Variants in CPNE3 observed in about 807,000 individuals in gnomAD.
CPNE3 encodes the protein copine 3.
A neutral mutation model predicts 63.9 loss-of-function variants in CPNE3; 68 were observed. That is an observed-to-expected ratio of 1.06 (90% CI 0.87 to 1.30). The LOEUF is 1.30. CPNE3 is among the 50% of genes most tolerant of loss of function. CPNE3 has a pLI of 0.00. For synonymous variants in CPNE3, 219 were observed against 197.5 expected, an observed-to-expected ratio of 1.11 and a Z score of -0.91; for missense variants, 665 against 578.1, an observed-to-expected ratio of 1.15 and a Z score of -1.54.
chr8:86,516,145 T>C (rs1049510574), intron 2 of CPNE3, among the ~76,000 whole-genome samples: 7 of 152,184 alleles, frequency 4.6e-5, no homozygotes, highest in African/African-American at 7.2e-5. Flanking sequence ...AGACTCTAGA[T>C]GTGAGGTGGA....
chr8:86,551,884 C>T (rs1821188080), intron 14 of CPNE3, among the ~76,000 whole-genome samples: 2 of 152,228 alleles, frequency 1.3e-5, no homozygotes. Flanking sequence ...GTCTTGAACT[C>T]TTGACCTCAA....
intron 6 of CPNE3, among the ~76,000 whole-genome samples, chr8:86,534,180 C>A (rs1030019719): frequency 2.6e-5 from 4 of 151,850 alleles, no homozygotes; most frequent in Admixed American, 2.0e-4. Flanking sequence ...TCTCTCTCTA[C>A]TTTTATTTTC....
chr8:86,537,919 T>A (rs757065584), intron 7 of CPNE3, among the ~76,000 whole-genome samples: 1 of 151,912 alleles, frequency 6.6e-6, no homozygotes, highest in Non-Finnish European at 1.5e-5. Context: ...GAACACACAC[T>A]CCCACATACT....
intron 10 of CPNE3, 77 bp downstream of exon 10, chr8:86,546,758 C>G: frequency 3.4e-6 from 5 of 1,482,906 alleles, no homozygotes; most frequent in South Asian, 2.6e-5. Flanking sequence ...GTTGCCCAGG[C>G]TGGAGCGCAG....
At chr8:86,537,479 G>A in intron 6 of CPNE3, 84 bp from the exon 7 acceptor site, 1 of 815,828 alleles carries the variant, frequency 1.2e-6, no homozygotes, top group Non-Finnish European at 2.2e-6. Flanking sequence ...TCAGGTGGTT[G>A]CCAACATGTG....
In CPNE3 at chr8:86,559,583, A is replaced by G. The variant is rs1316199953; in HGVS notation, c.*1173A>G. ...ACCTACTGCAACTTAGAAAAAGGAA[A>G]GAAAAAAGAAAACTTTTCCAACTGC... On this transcript the variant is annotated 3_prime_UTR_variant, in exon 17 of 17. Transcript: ENST00000517490. 1 of 152,152 alleles carries G rather than the reference A, an allele frequency of 6.6e-6. No homozygotes were observed. The highest frequency in any genetic ancestry group is 1.5e-5 in the Non-Finnish European group (1 of 68,026). 9.4% of individuals were successfully genotyped at this position (152,152 alleles called of 1,614,324 possible). A position where few individuals can be genotyped will look rare whatever the true frequency, so the allele number is the denominator to read the frequency against.
At chr8:86,538,566 C>T (rs1820858090) in intron 7 of CPNE3, among the ~76,000 whole-genome samples, 1 of 152,128 alleles carries the variant, frequency 6.6e-6, no homozygotes, top group Non-Finnish European at 1.5e-5. Flanking sequence ...TGTTCAGAAT[C>T]CAGTCAAGGC....
chr8:86,514,975 G>T (rs1173796430), intron 1 of CPNE3, among the ~76,000 whole-genome samples: 2 of 152,218 alleles, frequency 1.3e-5, no homozygotes, highest in Non-Finnish European at 2.9e-5. Flanking sequence ...AGAGGGATAG[G>T]GTACCCACAC....
Position 86,548,366 on chromosome 8 carries a change from C to A in CPNE3, c.945C>A (p.Ser315Arg). The A allele has an allele frequency of 6.2e-7, 1 of 1,614,098 alleles. No individual in the cohort carries two copies. Among genetic ancestry groups the A allele is most frequent in the South Asian group, 1.1e-5 (1 of 91,078 alleles). ...CTCCAGACTCCCTTCATTACATCAG[C>A]CCCAATGGCGTTAATGAGTATTTGA... is the stretch of plus-strand genomic sequence containing the variant. ...PRSPDSLHYISPNGVNEYLTA... is the reference protein window; with the variant it reads ...PRSPDSLHYIRPNGVNEYLTA... Residue 315 changes from serine (S) to arginine (R), a missense_variant, in exon 12 of 17, where the codon AGC becomes AGA. By Grantham distance (110) the Ser-to-Arg change is moderately radical. Transcript: ENST00000517490.
chr8:86,540,708 A>T (rs1251978689), intron 8 of CPNE3, among the ~76,000 whole-genome samples: 1 of 152,208 alleles, frequency 6.6e-6, no homozygotes, highest in Admixed American at 6.5e-5. Flanking sequence ...ATAGAAGCAG[A>T]TGTTACCGTA....
At chr8:86,519,145 ACAAT>A (rs1374222808) in intron 2 of CPNE3, among the ~76,000 whole-genome samples, 1 of 152,248 alleles carries the variant, frequency 6.6e-6, no homozygotes, top group African/African-American at 2.4e-5. Flanking sequence ...ACTTGAAAAT[ACAAT>A]CAGTGATACT....
intron 4 of CPNE3, 61 bp downstream of exon 4, chr8:86,529,185 T>A (rs1222749139): frequency 7.0e-7 from 1 of 1,434,622 alleles, no homozygotes; most frequent in Non-Finnish European, 9.5e-7. Context: ...AATTTGGTGG[T>A]GTTTTTGGTA....
intron 6 of CPNE3, among the ~76,000 whole-genome samples, chr8:86,534,901 TGTGTG>T (rs1201471026): frequency 6.7e-6 from 1 of 149,870 alleles, no homozygotes; most frequent in Admixed American, 6.6e-5. Context: ...TTTTTATGTT[TGTGTG>T]TTTTGTTCTG....
intron 4 of CPNE3, among the ~76,000 whole-genome samples, chr8:86,529,556 T>C (rs1309345049): frequency 6.6e-6 from 1 of 152,138 alleles, no homozygotes; most frequent in Non-Finnish European, 1.5e-5. Context: ...TCAACCTTAT[T>C]CCCCCTGATA....
At position 86,558,932 on chromosome 8, in the gene CPNE3, G is replaced by A. The variant is rs1173244194; in HGVS notation, c.*522G>A. 1 of 153,796 alleles carries A rather than the reference G, an allele frequency of 6.5e-6. No homozygotes were observed. The highest frequency in any genetic ancestry group is 1.4e-5 in the Non-Finnish European group (1 of 68,986). 9.5% of individuals were successfully genotyped at this position (153,796 alleles called of 1,614,324 possible). ...GTAAAAATAACCTGTCTATGCATCTGATTTTTGCTACAGTTTAGACACTGT... is the reference window on the plus strand; with the variant it reads ...GTAAAAATAACCTGTCTATGCATCTAATTTTTGCTACAGTTTAGACACTGT... On this transcript the variant is annotated 3_prime_UTR_variant, in exon 17 of 17. Coordinates refer to ENST00000517490, the MANE Select transcript of CPNE3 (RefSeq NM_003909.5).
rs561821349 is a variant in CPNE3 at position 86,516,778 on chromosome 8, TAG to T, written c.-11+1282_-11+1283del. 3.1e-3 allele frequency among the ~76,000 whole-genome samples: 467 copies of T among 152,346 alleles called. 3 individuals are homozygous for T. Among genetic ancestry groups the T allele is most frequent in the Non-Finnish European group, 5.1e-3 (345 of 68,046 alleles). ...ACTGGGCTTTTTTTCTTACTATTGT[TAG>T]AGTTTTCTCTTTTTTCCTCCCTTTC... On this transcript the variant is annotated intron_variant, in intron 2 of 16. Transcript: ENST00000517490.
intron 2 of CPNE3, among the ~76,000 whole-genome samples, chr8:86,527,825 CAAAT>C (rs1414692832): frequency 6.6e-6 from 1 of 150,780 alleles, no homozygotes; most frequent in Non-Finnish European, 1.5e-5. Context: ...GTTAAATAAA[CAAAT>C]AAAAATAAAA....
At chr8:86,538,049 T>A (rs1167669886) in intron 7 of CPNE3, among the ~76,000 whole-genome samples, 1 of 152,016 alleles carries the variant, frequency 6.6e-6, no homozygotes, top group Non-Finnish European at 1.5e-5. Context: ...ATCATCCTAA[T>A]GGAGCTACAG....
At chr8:86,550,574 C>T (rs906842792) in intron 12 of CPNE3, among the ~76,000 whole-genome samples, 8 of 152,062 alleles carry the variant, frequency 5.3e-5, no homozygotes, top group South Asian at 2.1e-4. Context: ...GTTATATATT[C>T]GGTCCACTGT....
Sources: allele counts gnomAD v4.1 joint callset (sites outside exome capture counted in the v4.1 genomes callset), GRCh38; gene constraint gnomAD v4.1.1; transcripts MANE v1.5; gene names NCBI Gene and HGNC (gene_info 2026-07-23, HGNC 2026-07-21).